The following CELF2 variants were observed in gnomAD, a reference collection of about 807,000 sequenced individuals.
CELF2 encodes the protein CUGBP Elav-like family member 2.
In CELF2, 8 loss-of-function variants were observed where a neutral mutation model predicts 62.6. The ratio of observed to expected loss-of-function variants is 0.13; its 90% CI spans 0.07 to 0.23. The LOEUF is 0.23. Among genes scored for constraint, CELF2 ranks in the 10% least tolerant of loss-of-function variants. The probability of loss-of-function intolerance (pLI) is 1.00; values close to 1 mark genes in which losing one functional copy is unlikely to be tolerated. For synonymous variants in CELF2, 258 were observed against 250.0 expected, an observed-to-expected ratio of 1.03 and a Z score of -0.30; for missense variants, 333 against 671.0, an observed-to-expected ratio of 0.50 and a Z score of 5.56.
the CELF2 span, among the ~76,000 whole-genome samples, chr10:10,763,677 G>A: frequency 1.8e-4 from 28 of 152,270 alleles, no homozygotes; most frequent in Non-Finnish European, 2.5e-4. Flanking sequence ...AATGAGGCAC[G>A]AACGCGGGAA....
At chr10:10,508,239 G>A in the CELF2 span, among the ~76,000 whole-genome samples, 2 of 151,956 alleles carry the variant, frequency 1.3e-5, no homozygotes, top group African/African-American at 4.8e-5. Context: ...AAACAGATAA[G>A]CCTTCACGGT....
intron 1 of CELF2, among the ~76,000 whole-genome samples, chr10:10,882,675 A>C (rs968703029): frequency 1.3e-5 from 2 of 152,206 alleles, no homozygotes; most frequent in African/African-American, 4.8e-5. Flanking sequence ...TATCATACTT[A>C]ATGACAGTTT....
At chr10:11,235,923 C>G (rs983858759) in intron 3 of CELF2, among the ~76,000 whole-genome samples, 1 of 152,130 alleles carries the variant, frequency 6.6e-6, no homozygotes, top group African/African-American at 2.4e-5. Flanking sequence ...TTCATTCACT[C>G]AGTACAACTC....
chr10:11,158,954 G>A (rs940128431), intron 1 of CELF2, among the ~76,000 whole-genome samples: 5 of 152,168 alleles, frequency 3.3e-5, no homozygotes, highest in South Asian at 2.1e-4. Context: ...AAGGTAATAC[G>A]TGTGTATGTA....
intron 1 of CELF2, among the ~76,000 whole-genome samples, chr10:11,150,111 T>C (rs1219948589): frequency 1.3e-5 from 2 of 152,256 alleles, no homozygotes; most frequent in Non-Finnish European, 2.9e-5. Flanking sequence ...ATCAGTGATA[T>C]CTGTTTCATT....
intron 2 of CELF2, among the ~76,000 whole-genome samples, chr10:11,189,668 T>C (rs1056228306): frequency 9.2e-5 from 14 of 152,232 alleles, no homozygotes; most frequent in African/African-American, 3.4e-4. Context: ...GGAAACTCTT[T>C]CAGGCCATGA....
At chr10:10,949,826 CA>C (rs35952853) in intron 2 of CELF2, among the ~76,000 whole-genome samples, 32,894 of 82,072 alleles carry the variant, frequency 0.4, 4,671 homozygotes, top group East Asian at 0.68. Context: ...ACACACACAC[CA>C]AAAAAAAAAA....
intron 1 of CELF2, among the ~76,000 whole-genome samples, chr10:10,837,631 A>G (rs1279062475): frequency 1.3e-5 from 2 of 152,184 alleles, no homozygotes; most frequent in Non-Finnish European, 2.9e-5. Context: ...AATCTTATGC[A>G]TATTAGTACA....
chr10:11,152,807 G>C (rs2063577986), intron 1 of CELF2, among the ~76,000 whole-genome samples: 1 of 152,150 alleles, frequency 6.6e-6, no homozygotes, highest in Admixed American at 6.5e-5. Context: ...TAAAATTTCA[G>C]TAGCACCTGT....
chr10:10,768,427 A>C, the CELF2 span, among the ~76,000 whole-genome samples: 1 of 152,146 alleles, frequency 6.6e-6, no homozygotes, highest in African/African-American at 2.4e-5. Flanking sequence ...TGGTTTCTAA[A>C]GTAGCTACTG....
At chr10:10,539,582 T>C in the CELF2 span, among the ~76,000 whole-genome samples, 1 of 152,022 alleles carries the variant, frequency 6.6e-6, no homozygotes, top group African/African-American at 2.4e-5. Context: ...TGAACCAGGG[T>C]CCTGTGATAC....
intron 2 of CELF2, among the ~76,000 whole-genome samples, chr10:11,167,768 A>T (rs1196673521): frequency 6.6e-6 from 1 of 152,202 alleles, no homozygotes; most frequent in Non-Finnish European, 1.5e-5. Flanking sequence ...TTTTTTGAGC[A>T]CGTGCTATGT....
chr10:11,321,105 G>A lies in CELF2; in HGVS notation c.1097-84G>A, dbSNP rs900088914. ...CTGCATGTACTTGCTGTTGTACTGT[G>A]TTTAAATGATTCTCTAACTTCCTTT... is the stretch of plus-strand genomic sequence containing the variant. On this transcript the variant is annotated intron_variant, in intron 10 of 12. Coordinates refer to ENST00000633077, the MANE Select transcript of CELF2 (RefSeq NM_001326342.2). This position sits in a 1 kb window ranked among gnomAD's most constrained non-coding sequence, Gnocchi z 6.2. 9.6e-6 allele frequency: 14 copies of A among 1,453,302 alleles called. No individual in the cohort carries two copies. The highest frequency in any genetic ancestry group is 1.2e-5 in the Non-Finnish European group (12 of 1,038,282). The allele number at this position is 1,453,302 out of a possible 1,614,324, so 90.0% of individuals were successfully genotyped here. A position where few individuals can be genotyped will look rare whatever the true frequency, so the allele number is the denominator to read the frequency against.
chr10:11,017,296 A>G (rs1456263796), upstream of CELF2, among the ~76,000 whole-genome samples: 1 of 152,208 alleles, frequency 6.6e-6, no homozygotes, highest in African/African-American at 2.4e-5. The surrounding 1 kb of genome is among the most constrained non-coding windows in gnomAD (Gnocchi z 5.5). Flanking sequence ...TCGTTTGTGT[A>G]GAAAACGTGA....
At chr10:10,890,311 A>G (rs1452643815) in intron 1 of CELF2, among the ~76,000 whole-genome samples, 4 of 152,162 alleles carry the variant, frequency 2.6e-5, no homozygotes, top group Admixed American at 2.0e-4. Context: ...ATGGACAGTA[A>G]AGTAGAAAGG....
chr10:11,065,572 G>T (rs1481080276), intron 1 of CELF2, among the ~76,000 whole-genome samples: 1 of 152,118 alleles, frequency 6.6e-6, no homozygotes, highest in African/African-American at 2.4e-5. Context: ...ATGAGGGGGG[G>T]ATCCCACAAG....
At chr10:11,061,078 G>A (rs112979953) in intron 1 of CELF2, among the ~76,000 whole-genome samples, 2,541 of 152,282 alleles carry the variant, frequency 0.017, 81 homozygotes, top group African/African-American at 0.058. Flanking sequence ...AGTGAGAAAG[G>A]CACGTCAAAA....
At chr10:11,293,956 G>A (rs1262401540) in intron 9 of CELF2, among the ~76,000 whole-genome samples, 1 of 152,176 alleles carries the variant, frequency 6.6e-6, no homozygotes, top group Non-Finnish European at 1.5e-5. Context: ...CAGTTCACCT[G>A]TAAGGCGTGC....
the CELF2 span, among the ~76,000 whole-genome samples, chr10:10,500,645 G>T: frequency 1.4e-4 from 21 of 152,270 alleles, no homozygotes; most frequent in East Asian, 2.7e-3. Context: ...TGCCCAGTCA[G>T]GTATGTCTTT....
Sources: gnomAD v4.1 joint callset for allele counts (sites outside exome capture counted in the v4.1 genomes callset) on GRCh38, gnomAD v4.1.1 for gene constraint, Gnocchi (gnomAD v3.1) non-coding constraint, MANE v1.5 for transcripts, NCBI Gene and HGNC (gene_info 2026-07-23, HGNC 2026-07-21) for gene names.